The following CACNA1H variants were observed in gnomAD, a reference collection of about 807,000 sequenced individuals.
CACNA1H encodes the protein voltage-dependent T-type calcium channel subunit alpha-1H.
CACNA1H carries 149 observed loss-of-function variants against 192.5 expected under a neutral mutation model. The ratio of observed to expected loss-of-function variants is 0.77; its 90% CI spans 0.68 to 0.89. The LOEUF (loss-of-function observed/expected upper bound fraction) is 0.89. CACNA1H is among the 40% of genes least tolerant of loss of function. The pLI, the probability that CACNA1H is intolerant of heterozygous loss-of-function variation, is 0.00. For missense variants in CACNA1H, 4,257 were observed against 3,423.5 expected, an observed-to-expected ratio of 1.24 and a Z score of -6.08; for synonymous variants, 2,202 against 1,475.2, an observed-to-expected ratio of 1.49 and a Z score of -11.29.
intron 12 of CACNA1H, 61 bp from the exon 13 acceptor site, chr16:1,206,940 C>T (rs1968796556): frequency 1.9e-5 from 8 of 424,342 alleles, no homozygotes; most frequent in South Asian, 1.2e-4. Context: ...CGCTCCCCCA[C>T]CTTCTTCCGC....
At chr16:1,209,674 G>T (rs149928765) in intron 17 of CACNA1H, among the ~76,000 whole-genome samples, 2 of 152,208 alleles carry the variant, frequency 1.3e-5, no homozygotes, top group Non-Finnish European at 2.9e-5. Context: ...TGGGCTCTGC[G>T]CCGTGGGTCA....
rs1965407448 is a variant in CACNA1H, at chr16:1,180,977, A to C, written c.300-13995A>C. On this transcript the variant is annotated intron_variant, in intron 2 of 34. Coordinates refer to ENST00000348261, the MANE Select transcript of CACNA1H (RefSeq NM_021098.3). The surrounding 1 kb of genome is among the most constrained non-coding windows in gnomAD (Gnocchi z 4.4). ...TTCCGCCAGCTTCCCGGCCAGACCC[A>C]AGGGTGGAGCTCCAGGCCACGTTCC... Among the ~76,000 whole-genome samples, 1 of 152,152 alleles carries C rather than the reference A, an allele frequency of 6.6e-6. No individual in the cohort carries two copies. Among genetic ancestry groups the C allele is most frequent in the Non-Finnish European group, 1.5e-5 (1 of 67,998 alleles).
intron 2 of CACNA1H, among the ~76,000 whole-genome samples, chr16:1,187,854 A>G (rs765134917): frequency 4.0e-4 from 61 of 152,316 alleles, no homozygotes; most frequent in Non-Finnish European, 7.6e-4. Flanking sequence ...GAGGAGGGGC[A>G]CACAGCCCCG....
At chr16:1,178,107 C>T (rs1484208130) in intron 2 of CACNA1H, among the ~76,000 whole-genome samples, 4 of 112,212 alleles carry the variant, frequency 3.6e-5, no homozygotes, top group South Asian at 4.0e-4. Context: ...GGGCCTCCCC[C>T]GCCCCCTCTC....
chr16:1,219,494 G>C (rs765720731), intron 34 of CACNA1H, among the ~76,000 whole-genome samples: 1 of 152,168 alleles, frequency 6.6e-6, no homozygotes, highest in Non-Finnish European at 1.5e-5. Flanking sequence ...CCCCATGTGG[G>C]CATGGGTCCC....
At position 1,209,042 on chromosome 16, in the gene CACNA1H, G is replaced by A. The variant is rs771952308; in HGVS notation, c.3374G>A (p.Arg1125Gln). The A allele has an allele frequency of 9.2e-6, 14 of 1,522,456 alleles. No individual in the cohort carries two copies. The highest frequency in any genetic ancestry group is 4.3e-5 in the Admixed American group (2 of 46,590). The allele number at this position is 1,522,456 out of a possible 1,614,324, so 94.3% of individuals were successfully genotyped here. A position where few individuals can be genotyped will look rare whatever the true frequency, so the allele number is the denominator to read the frequency against. The change falls in exon 17 of 35, where the codon CGA (arginine) becomes CAA (glutamine). Residue 1125 changes from arginine to glutamine, a missense_variant. By Grantham distance (43) the Arg-to-Gln change is conservative. Coordinates refer to ENST00000348261, the MANE Select transcript of CACNA1H (RefSeq NM_021098.3). ...LGDQKPPASL[R>Q]SSPCAPWGPS... is the part of the protein sequence containing the mutation. ...CCCGCCACCCCCCAGGCCAGCCTCCGAAGTTCTCCCTGTGCCCCCTGGGGC... is the reference window on the plus strand; with the variant it reads ...CCCGCCACCCCCCAGGCCAGCCTCCAAAGTTCTCCCTGTGCCCCCTGGGGC...
chr16:1,209,286 G>C lies in CACNA1H; in HGVS notation c.3618G>C (p.Pro1206=). The C allele has an allele frequency of 6.4e-7, 1 of 1,569,822 alleles. No individual in the cohort carries two copies. The highest frequency in any genetic ancestry group is 8.6e-7 in the Non-Finnish European group (1 of 1,164,528). The change falls in exon 17 of 35, where the codon CCG becomes CCC. Residue 1206 remains proline (P), a synonymous_variant. Coordinates refer to ENST00000348261, the MANE Select transcript of CACNA1H (RefSeq NM_021098.3). ...AESLDPRPLR[P]AALPPTKCRD... is the part of the protein sequence containing the mutation. ...CCCTGGACCCACGGCCCCTGCGGCC[G>C]GCCGCCCTCCCGCCTACCAAGTGCC...
chr16:1,198,986 A>C, intron 6 of CACNA1H: 1 of 442,210 alleles, frequency 2.3e-6, no homozygotes, highest in Non-Finnish European at 3.9e-6. Flanking sequence ...TCACCGCCCC[A>C]CATGGCTCCG....
chr16:1,206,422 C>T, intron 12 of CACNA1H, 133 bp downstream of exon 12: 3 of 773,540 alleles, frequency 3.9e-6, no homozygotes, highest in Non-Finnish European at 6.1e-6. Flanking sequence ...GACACTCGGC[C>T]TCTGCTGCCT....
rs780323364 is a variant in CACNA1H, at chr16:1,209,019, C to T, written c.3364-13C>T. 20 of 1,484,422 alleles carry T rather than the reference C, an allele frequency of 1.3e-5. 1 individual carries two copies. The highest frequency in any genetic ancestry group is 7.4e-5 in the East Asian group (3 of 40,512). The allele number at this position is 1,484,422 out of a possible 1,614,324, so 92.0% of individuals were successfully genotyped here. A position where few individuals can be genotyped will look rare whatever the true frequency, so the allele number is the denominator to read the frequency against. ...GTGATGCCACCAGGTCACTGACTCC[C>T]GCCACCCCCCAGGCCAGCCTCCGAA... On this transcript the variant is annotated splice_polypyrimidine_tract_variant and intron_variant, in intron 16 of 34. Coordinates refer to ENST00000348261, the MANE Select transcript of CACNA1H (RefSeq NM_021098.3).
At chr16:1,162,053 T>C (rs1359829912) in intron 2 of CACNA1H, among the ~76,000 whole-genome samples, 1 of 152,164 alleles carries the variant, frequency 6.6e-6, no homozygotes, top group South Asian at 2.1e-4. Context: ...TGTCACCTCC[T>C]GGGCGTTGGT....
chr16:1,213,718 T>C, intron 26 of CACNA1H, 62 bp from the exon 27 acceptor site: 1 of 1,352,250 alleles, frequency 7.4e-7, no homozygotes, highest in East Asian at 2.5e-5. Context: ...GAATGGAGTC[T>C]GCAGGAGCCA....
At position 1,180,059 on chromosome 16, in the gene CACNA1H, T is replaced by A. The variant is rs963081647; in HGVS notation, c.300-14913T>A. Among the ~76,000 whole-genome samples, 3 of 152,208 alleles carry A rather than the reference T, an allele frequency of 2.0e-5. No homozygotes were observed. Among genetic ancestry groups the A allele is most frequent in the African/African-American group, 7.2e-5 (3 of 41,462 alleles). On this transcript the variant is annotated intron_variant, in intron 2 of 34. Transcript: ENST00000348261. This position sits in a 1 kb window ranked among gnomAD's most constrained non-coding sequence, Gnocchi z 4.4. ...CCGGCCTTGTTTTTTAATATACATC[T>A]GGTTGCCGGGTGATACTGAGGGGGC...
At chr16:1,195,688 C>A in intron 4 of CACNA1H, 123 bp downstream of exon 4, 1 of 1,225,898 alleles carries the variant, frequency 8.2e-7, no homozygotes, top group Non-Finnish European at 1.1e-6. Flanking sequence ...CAGGTAGAGC[C>A]AGGGACCCTG....
chr16:1,210,025 C>T lies in CACNA1H; in HGVS notation c.3745-10C>T. ...CGCAGGCTCTGAGAAGCCGCCGCCT[C>T]ATCCCACAGAGCTGCTGCCTCCGCC... On this transcript the variant is annotated splice_polypyrimidine_tract_variant and intron_variant, in intron 17 of 34. Transcript: ENST00000348261. 2.6e-6 allele frequency: 4 copies of T among 1,546,850 alleles called. No homozygotes were observed. Among genetic ancestry groups the T allele is most frequent in the Non-Finnish European group, 3.5e-6 (4 of 1,145,728 alleles).
At chr16:1,193,145 G>C (rs1191046787) in intron 2 of CACNA1H, among the ~76,000 whole-genome samples, 2 of 152,160 alleles carry the variant, frequency 1.3e-5, no homozygotes, top group Non-Finnish European at 2.9e-5. Flanking sequence ...GGGTGTCTTT[G>C]AGCTCCTCCC....
intron 2 of CACNA1H, among the ~76,000 whole-genome samples, chr16:1,162,367 C>A (rs1185921350): frequency 6.6e-6 from 1 of 152,176 alleles, no homozygotes; most frequent in African/African-American, 2.4e-5. Flanking sequence ...CCCCACCTCA[C>A]CTGTGGGCCC....
Position 1,195,992 on chromosome 16 carries a change from G to A in CACNA1H, c.612G>A (p.Leu204=), listed in dbSNP as rs759591300. The A allele has an allele frequency of 6.2e-7, 1 of 1,613,026 alleles. No homozygotes were observed. The highest frequency in any genetic ancestry group is 8.5e-7 in the Non-Finnish European group (1 of 1,179,812). ...CGGCTATCAGGACCGTGCGGGTGCTGCGGCCCCTCCGCGCCATCAACCGCG... is the reference window on the plus strand; with the variant it reads ...CGGCTATCAGGACCGTGCGGGTGCTACGGCCCCTCCGCGCCATCAACCGCG... ...SLSAIRTVRV[L]RPLRAINRVP... Residue 204 remains leucine, a synonymous_variant, in exon 5 of 35, where the codon CTG becomes CTA. Coordinates refer to ENST00000348261, the MANE Select transcript of CACNA1H (RefSeq NM_021098.3).
chr16:1,173,715 G>A (rs1161858620), intron 2 of CACNA1H, among the ~76,000 whole-genome samples: 1 of 152,218 alleles, frequency 6.6e-6, no homozygotes, highest in East Asian at 1.9e-4. Context: ...GGGGCTCCCC[G>A]GCCGCCGTGC....
Sources: gnomAD v4.1 joint callset for allele counts (sites outside exome capture counted in the v4.1 genomes callset) on GRCh38, gnomAD v4.1.1 for gene constraint, Gnocchi (gnomAD v3.1) non-coding constraint, MANE v1.5 for transcripts, NCBI Gene and HGNC (gene_info 2026-07-23, HGNC 2026-07-21) for gene names.